The following TSNARE1 variants were observed in gnomAD, a reference collection of about 807,000 sequenced individuals.
TSNARE1 encodes t-SNARE domain containing 1, also known as t-SNARE domain-containing protein 1.
Under a neutral mutation model 62.0 loss-of-function variants are expected in TSNARE1, and 49 were observed. The ratio of observed to expected loss-of-function variants is 0.79; its 90% CI spans 0.63 to 1.00. The LOEUF is 1.00. TSNARE1 is among the 50% of genes least tolerant of loss of function. TSNARE1 has a pLI of 0.00. For missense variants in TSNARE1, 755 were observed against 700.1 expected, an observed-to-expected ratio of 1.08 and a Z score of -0.88; for synonymous variants, 328 against 294.4, an observed-to-expected ratio of 1.11 and a Z score of -1.17.
intron 11 of TSNARE1, among the ~76,000 whole-genome samples, chr8:142,283,451 A>G (rs1822065690): frequency 7.2e-6 from 1 of 138,278 alleles, no homozygotes; most frequent in Non-Finnish European, 1.5e-5. Context: ...GAGCAGAGGC[A>G]GGGACAGTGT....
intron 12 of TSNARE1, among the ~76,000 whole-genome samples, chr8:142,239,603 C>T (rs1817591541): frequency 1.3e-5 from 2 of 152,216 alleles, no homozygotes. Context: ...TCCATTGATT[C>T]AGGAGGCGTG....
chr8:142,277,887 G>A (rs1214320036), intron 11 of TSNARE1: 1 of 985,228 alleles, frequency 1.0e-6, no homozygotes. Flanking sequence ...CCACACCAGT[G>A]CCACCCCTGC....
At chr8:142,260,966 C>CAGAGAGGGAGA (rs1818828179) in intron 12 of TSNARE1, among the ~76,000 whole-genome samples, 1 of 1,068 alleles carries the variant, frequency 9.4e-4, no homozygotes, top group Non-Finnish European at 1.9e-3. Context: ...ACAAAGCAGT[C>CAGAGAGGGAGA]AGGGAGGGAG....
At chr8:142,273,078 G>T in intron 12 of TSNARE1, 1 of 985,416 alleles carries the variant, frequency 1.0e-6, no homozygotes, top group African/African-American at 1.7e-5. Context: ...TGTGTCGGGG[G>T]GGCGGTGCCT....
chr8:142,270,629 C>T, intron 12 of TSNARE1: 1 of 985,298 alleles, frequency 1.0e-6, no homozygotes, highest in Non-Finnish European at 1.2e-6. Flanking sequence ...ACCAAAGGGA[C>T]AGGGGCTTTC....
intron 12 of TSNARE1, chr8:142,269,757 A>T: frequency 1.0e-6 from 1 of 985,410 alleles, no homozygotes; most frequent in Non-Finnish European, 1.2e-6. Flanking sequence ...GAACCATCAG[A>T]GTGGAGGCCC....
chr8:142,327,255 G>A (rs1380329964), intron 6 of TSNARE1, among the ~76,000 whole-genome samples: 1 of 152,246 alleles, frequency 6.6e-6, no homozygotes, highest in Non-Finnish European at 1.5e-5. Flanking sequence ...CAGTGAGACA[G>A]AGGGGTGCAG....
At chr8:142,264,869 T>C (rs1197564875) in intron 12 of TSNARE1, among the ~76,000 whole-genome samples, 1 of 152,224 alleles carries the variant, frequency 6.6e-6, no homozygotes, top group Non-Finnish European at 1.5e-5. Flanking sequence ...ATGAGCCCTT[T>C]TAATCTGTCT....
At chr8:142,238,010 A>G (rs926381196) in intron 12 of TSNARE1, among the ~76,000 whole-genome samples, 1 of 151,650 alleles carries the variant, frequency 6.6e-6, no homozygotes, top group Non-Finnish European at 1.5e-5. Context: ...GTCTCCATGC[A>G]TCTGACTTAG....
chr8:142,307,054 CCA>C (rs1826815226), intron 9 of TSNARE1, among the ~76,000 whole-genome samples: 1 of 152,194 alleles, frequency 6.6e-6, no homozygotes, highest in African/African-American at 2.4e-5. Context: ...AAATGGAATC[CCA>C]CAGTCTATCC....
intron 9 of TSNARE1, 140 bp downstream of exon 9, chr8:142,314,244 T>C: frequency 1.4e-6 from 1 of 722,534 alleles, no homozygotes; most frequent in Non-Finnish European, 2.3e-6. Context: ...ATGCCCACGT[T>C]TTCAAGGCTG....
In TSNARE1 at chr8:142,300,546, G is replaced by T; in HGVS notation, c.1230C>A (p.Asp410Glu). 1 of 1,612,316 alleles carries T rather than the reference G, an allele frequency of 6.2e-7. No individual in the cohort carries two copies. The highest frequency in any genetic ancestry group is 8.5e-7 in the Non-Finnish European group (1 of 1,180,006). ...WQGQEQALLP[D>E]ITEEDLEAIR... Reference sequence around the variant, plus strand: ...TGGCCTCCAGGTCCTCTTCAGTGATGTCCGGGAGCAGCGCCTGCTCCTGGC... The same window carrying T: ...TGGCCTCCAGGTCCTCTTCAGTGATTTCCGGGAGCAGCGCCTGCTCCTGGC... The change falls in exon 10 of 14, where the codon GAC becomes GAA. Residue 410 changes from aspartate (D) to glutamate (E), a missense_variant. Asp to Glu is a conservative substitution (Grantham distance 45). Transcript: ENST00000524325.
chr8:142,361,569 C>G (rs1835165251), intron 1 of TSNARE1, among the ~76,000 whole-genome samples: 1 of 152,196 alleles, frequency 6.6e-6, no homozygotes, highest in East Asian at 1.9e-4. Flanking sequence ...CACCTGCGGA[C>G]CCAGTGTGGC....
intron 4 of TSNARE1, among the ~76,000 whole-genome samples, chr8:142,333,135 C>T (rs553269008): frequency 6.6e-6 from 1 of 152,224 alleles, no homozygotes; most frequent in Non-Finnish European, 1.5e-5. Flanking sequence ...TGAGGGCCTG[C>T]CCTGTGCCTG....
intron 1 of TSNARE1, among the ~76,000 whole-genome samples, chr8:142,359,458 T>C (rs960484294): frequency 9.2e-5 from 14 of 151,988 alleles, no homozygotes; most frequent in Admixed American, 7.9e-4. Flanking sequence ...CCCCACAGGA[T>C]TGGTCCACCC....
intron 12 of TSNARE1, among the ~76,000 whole-genome samples, chr8:142,242,409 C>T (rs570661001): frequency 4.7e-4 from 71 of 152,284 alleles, no homozygotes; most frequent in Non-Finnish European, 9.0e-4. Context: ...CAAAAATAAA[C>T]AAAACAGATT....
At chr8:142,336,981 A>T (rs978894847) in intron 4 of TSNARE1, among the ~76,000 whole-genome samples, 1 of 152,214 alleles carries the variant, frequency 6.6e-6, no homozygotes, top group African/African-American at 2.4e-5. Context: ...AGATATTAAA[A>T]TGTGTATCAG....
chr8:142,253,856 C>T (rs1315065359), intron 12 of TSNARE1, among the ~76,000 whole-genome samples: 1 of 152,204 alleles, frequency 6.6e-6, no homozygotes, highest in Non-Finnish European at 1.5e-5. Flanking sequence ...CTCCCGAGCC[C>T]GGAACAGGAC....
At chr8:142,255,626 C>T (rs867964876) in intron 12 of TSNARE1, among the ~76,000 whole-genome samples, 1 of 27,004 alleles carries the variant, frequency 3.7e-5, no homozygotes, top group Non-Finnish European at 9.8e-5. Context: ...ACCATCACCA[C>T]CACCATCACC....
Sources: gnomAD v4.1 joint callset for allele counts (sites outside exome capture counted in the v4.1 genomes callset) on GRCh38, gnomAD v4.1.1 for gene constraint, MANE v1.5 for transcripts, NCBI Gene and HGNC (gene_info 2026-07-23, HGNC 2026-07-21) for gene names.